RGS6: variants seen among roughly 807,000 people sequenced by gnomAD.
RGS6 encodes the protein regulator of G protein signaling 6.
Under a neutral mutation model 78.5 loss-of-function variants are expected in RGS6, and 30 were observed. That is an observed-to-expected ratio of 0.38 (90% CI 0.29 to 0.52). The LOEUF (loss-of-function observed/expected upper bound fraction) is 0.52. Ranked by LOEUF, RGS6 falls within the 20% of genes least tolerant of loss-of-function variation. RGS6 has a pLI of 0.85. For synonymous variants in RGS6, 206 were observed against 206.0 expected (o/e 1.00, Z 0.00); for missense variants, 495 against 609.7 (o/e 0.81, Z 1.98).
intron 2 of RGS6, among the ~76,000 whole-genome samples, chr14:72,013,897 C>G (rs1008988432): frequency 3.3e-5 from 5 of 152,200 alleles, no homozygotes; most frequent in African/African-American, 7.2e-5. Context: ...TGGTCGTGTT[C>G]TTTAATTCAT....
rs1029374206 is a variant in RGS6, at chr14:72,145,441, G to A, written c.84+180566G>A. 9.2e-5 allele frequency among the ~76,000 whole-genome samples: 14 copies of A among 152,102 alleles called. 1 individual carries two copies. Among genetic ancestry groups the A allele is most frequent in the Non-Finnish European group, 1.9e-4 (13 of 68,018 alleles). On this transcript the variant is annotated intron_variant, in intron 2 of 17. Transcript: ENST00000553525. ...GATAGAAACAAGATGGAGTAGGTTA[G>A]GTCTGATTTCTTTCACCATCATAAT...
At chr14:72,025,704 A>T (rs1451807347) in intron 2 of RGS6, among the ~76,000 whole-genome samples, 1 of 152,166 alleles carries the variant, frequency 6.6e-6, no homozygotes, top group Non-Finnish European at 1.5e-5. Flanking sequence ...TATTTTTGAC[A>T]CTTACATGTT....
intron 2 of RGS6, among the ~76,000 whole-genome samples, chr14:72,252,559 A>T (rs1192284982): frequency 1.3e-5 from 2 of 152,200 alleles, no homozygotes; most frequent in African/African-American, 4.8e-5. Flanking sequence ...AAATCTGCTC[A>T]AGTGTTAATT....
intron 2 of RGS6, among the ~76,000 whole-genome samples, chr14:72,272,485 A>G (rs2060090269): frequency 1.3e-5 from 2 of 152,228 alleles, no homozygotes; most frequent in South Asian, 4.1e-4. Context: ...TTCATCCTCT[A>G]GCCTTCCATG....
chr14:71,914,276 T>C, the RGS6 span, among the ~76,000 whole-genome samples: 2 of 152,226 alleles, frequency 1.3e-5, no homozygotes, highest in African/African-American at 4.8e-5. Flanking sequence ...GAAAACTTTT[T>C]TGGCCATGGT....
chr14:72,621,259 CT>C, the RGS6 span, among the ~76,000 whole-genome samples: 1 of 152,058 alleles, frequency 6.6e-6, no homozygotes, highest in African/African-American at 2.4e-5. Context: ...GGGGCAAAAT[CT>C]TGTTTTCCTC....
intron 2 of RGS6, among the ~76,000 whole-genome samples, chr14:72,099,703 T>G (rs1237942414): frequency 6.6e-6 from 1 of 152,202 alleles, no homozygotes; most frequent in Non-Finnish European, 1.5e-5. Context: ...CTGTTGACCA[T>G]GTAAGGAACT....
chr14:72,147,893 A>G (rs1026092749), intron 2 of RGS6, among the ~76,000 whole-genome samples: 3 of 152,186 alleles, frequency 2.0e-5, no homozygotes, highest in Admixed American at 2.0e-4. Flanking sequence ...GCACTTTGGG[A>G]GGCCAAGGCG....
chr14:72,527,762 T>C (rs2097136221), intron 15 of RGS6, among the ~76,000 whole-genome samples: 1 of 152,190 alleles, frequency 6.6e-6, no homozygotes, highest in African/African-American at 2.4e-5. Context: ...CAGTTCCTTG[T>C]CCATCACCCC....
chr14:71,902,627 G>A, the RGS6 span, among the ~76,000 whole-genome samples: 10 of 152,164 alleles, frequency 6.6e-5, no homozygotes, highest in Admixed American at 2.0e-4. Flanking sequence ...GGAAAACTCC[G>A]AGAACTACAA....
intron 2 of RGS6, among the ~76,000 whole-genome samples, chr14:72,271,961 A>T: frequency 6.8e-6 from 1 of 146,338 alleles, no homozygotes; most frequent in African/African-American, 2.6e-5. Flanking sequence ...ACTTTTAAGG[A>T]CTCTGTGATG....
chr14:72,510,339 G>T (rs1282083538), intron 14 of RGS6, 60 bp downstream of exon 14: 3 of 1,596,064 alleles, frequency 1.9e-6, no homozygotes, highest in Non-Finnish European at 2.6e-6. Context: ...TGCATAATCG[G>T]TCTCTCCATC....
chr14:72,032,048 G>C (rs1284302703), intron 2 of RGS6, among the ~76,000 whole-genome samples: 1 of 152,092 alleles, frequency 6.6e-6, no homozygotes, highest in Non-Finnish European at 1.5e-5. Context: ...ATAGTTTAAT[G>C]GACTGCTGTA....
At chr14:72,513,929 G>A (rs927342926) in intron 14 of RGS6, 2 of 152,262 alleles carry the variant, frequency 1.3e-5, no homozygotes, top group Non-Finnish European at 2.9e-5. Context: ...AATTAAAAGA[G>A]AACACAGTGG....
chr14:72,478,619 C>T (rs1271428808), intron 12 of RGS6, among the ~76,000 whole-genome samples: 6 of 152,224 alleles, frequency 3.9e-5, no homozygotes, highest in African/African-American at 1.4e-4. Context: ...CCTTTGCCTT[C>T]AGCCTCTGGA....
chr14:71,981,598 G>A (rs1393165816), intron 2 of RGS6, among the ~76,000 whole-genome samples: 8 of 151,822 alleles, frequency 5.3e-5, no homozygotes, highest in African/African-American at 1.9e-4. Flanking sequence ...TAGGCTGCTC[G>A]GGGGTCAGGG....
intron 3 of RGS6, among the ~76,000 whole-genome samples, chr14:72,444,438 C>T (rs796850460): frequency 3.9e-5 from 6 of 152,094 alleles, no homozygotes; most frequent in African/African-American, 1.4e-4. Flanking sequence ...GATTGTCTCT[C>T]CTGCCCCATC....
intron 2 of RGS6, among the ~76,000 whole-genome samples, chr14:72,130,938 T>G (rs2153590149): frequency 6.6e-6 from 1 of 152,334 alleles, no homozygotes; most frequent in South Asian, 2.1e-4. Context: ...TTGGACACTG[T>G]TTCCCCTTGT....
intron 2 of RGS6, among the ~76,000 whole-genome samples, chr14:72,283,414 G>A (rs1264048230): frequency 2.0e-5 from 3 of 152,196 alleles, no homozygotes; most frequent in Admixed American, 2.0e-4. Context: ...ATTCCCACAA[G>A]TAGTGGGAGG....
Sources: allele counts gnomAD v4.1 joint callset (sites outside exome capture counted in the v4.1 genomes callset), GRCh38; gene constraint gnomAD v4.1.1; transcripts MANE v1.5; gene names NCBI Gene and HGNC (gene_info 2026-07-23, HGNC 2026-07-21).